Variants in RPS6KC1 observed in about 807,000 individuals in gnomAD.
RPS6KC1 encodes inactive ribosomal protein S6 kinase delta-1.
A neutral mutation model predicts 103.8 loss-of-function variants in RPS6KC1; 54 were observed. That is an observed-to-expected ratio of 0.52 (90% CI 0.42 to 0.65). The LOEUF (loss-of-function observed/expected upper bound fraction) is 0.65, where lower values mean the gene tolerates loss of function less well. RPS6KC1 is among the 30% of genes least tolerant of loss of function. The probability of loss-of-function intolerance (pLI) is 0.00; values close to 1 mark genes in which losing one functional copy is unlikely to be tolerated. For synonymous variants in RPS6KC1, 439 were observed against 438.7 expected (o/e 1.00, Z -0.01); for missense variants, 1,151 against 1,253.8 (o/e 0.92, Z 1.24).
the RPS6KC1 span, among the ~76,000 whole-genome samples, chr1:213,598,601 A>G: frequency 6.6e-6 from 1 of 152,200 alleles, no homozygotes; most frequent in Admixed American, 6.5e-5. Context: ...GAATCTGGGG[A>G]CTCAGTATTT....
At chr1:213,634,610 G>T in the RPS6KC1 span, among the ~76,000 whole-genome samples, 719 of 152,184 alleles carry the variant, frequency 4.7e-3, 6 homozygotes, top group African/African-American at 0.016. Flanking sequence ...AGCTCTAAAT[G>T]CCCATAAGAG....
chr1:213,165,499 C>T (rs1353038385), intron 6 of RPS6KC1, among the ~76,000 whole-genome samples: 1 of 152,066 alleles, frequency 6.6e-6, no homozygotes, highest in Non-Finnish European at 1.5e-5. Context: ...TCTTGGCTCA[C>T]TGCAAGCTCC....
chr1:213,708,808 T>A, the RPS6KC1 span, among the ~76,000 whole-genome samples: 1 of 152,190 alleles, frequency 6.6e-6, no homozygotes, highest in African/African-American at 2.4e-5. Flanking sequence ...ATTGAGATAA[T>A]CATGTGGTTT....
At chr1:213,568,532 C>T in the RPS6KC1 span, among the ~76,000 whole-genome samples, 60 of 152,282 alleles carry the variant, frequency 3.9e-4, no homozygotes, top group East Asian at 9.1e-3. Context: ...AGCAGCTTAG[C>T]GGGGACAAAG....
the RPS6KC1 span, among the ~76,000 whole-genome samples, chr1:213,854,565 TC>T: frequency 1.8e-3 from 115 of 62,752 alleles, no homozygotes; most frequent in African/African-American, 5.7e-3. Flanking sequence ...TCTTTCTTTC[TC>T]TCTCTCTCTC....
chr1:213,661,490 A>T, the RPS6KC1 span, among the ~76,000 whole-genome samples: 2 of 152,318 alleles, frequency 1.3e-5, no homozygotes, highest in East Asian at 3.9e-4. Flanking sequence ...TCTTGCCATG[A>T]TAACTCACCC....
chr1:213,704,385 CAAAA>C, the RPS6KC1 span, among the ~76,000 whole-genome samples: 1 of 27,662 alleles, frequency 3.6e-5, no homozygotes, highest in South Asian at 2.1e-3. Flanking sequence ...GACTCCGTCT[CAAAA>C]AAAAAAAAAA....
the RPS6KC1 span, among the ~76,000 whole-genome samples, chr1:213,469,612 C>T: frequency 7.9e-5 from 12 of 152,290 alleles, no homozygotes; most frequent in East Asian, 1.4e-3. Flanking sequence ...CCAGGCTCCT[C>T]GCTAGCCTTT....
At chr1:213,459,639 T>C in the RPS6KC1 span, among the ~76,000 whole-genome samples, 1 of 152,180 alleles carries the variant, frequency 6.6e-6, no homozygotes, top group African/African-American at 2.4e-5. Context: ...AGCTTTTGAA[T>C]GTGTTTGCTC....
chr1:213,764,671 G>A, the RPS6KC1 span, among the ~76,000 whole-genome samples: 2 of 152,186 alleles, frequency 1.3e-5, no homozygotes, highest in Admixed American at 1.3e-4. Flanking sequence ...GGGACAGGGA[G>A]TCAGGGAGTC....
At chr1:213,604,820 G>C in the RPS6KC1 span, among the ~76,000 whole-genome samples, 1 of 152,204 alleles carries the variant, frequency 6.6e-6, no homozygotes, top group Non-Finnish European at 1.5e-5. Flanking sequence ...AAGGAAGAGA[G>C]ATAGTGGGGC....
chr1:213,122,309 G>A (rs189542282), intron 5 of RPS6KC1, among the ~76,000 whole-genome samples: 3 of 152,170 alleles, frequency 2.0e-5, no homozygotes, highest in Admixed American at 6.5e-5. Flanking sequence ...ATTGAATGGC[G>A]TTGATTATAT....
intron 3 of RPS6KC1, among the ~76,000 whole-genome samples, chr1:213,087,284 T>A (rs1390323891): frequency 6.6e-6 from 1 of 152,240 alleles, no homozygotes; most frequent in Non-Finnish European, 1.5e-5. Flanking sequence ...TACCTATGTC[T>A]ATATCACATT....
chr1:213,051,304 C>T lies in RPS6KC1; in HGVS notation c.-101C>T. 3 of 840,378 alleles carry T rather than the reference C, an allele frequency of 3.6e-6. No individual in the cohort carries two copies. The highest frequency in any genetic ancestry group is 2.7e-5 in the East Asian group (1 of 37,662). 52.1% of individuals were successfully genotyped at this position (840,378 alleles called of 1,614,324 possible). A position where few individuals can be genotyped will look rare whatever the true frequency, so the allele number is the denominator to read the frequency against. On this transcript the variant is annotated 5_prime_UTR_variant, in exon 1 of 15. Coordinates refer to ENST00000366960, the MANE Select transcript of RPS6KC1 (RefSeq NM_012424.6). ...GGAGCCGCCTTGGAGCCACCGCCCC[C>T]TCGCCGCTTCGCCGCTGCGTTGGGG... is the stretch of plus-strand genomic sequence containing the variant.
chr1:213,737,203 C>G, the RPS6KC1 span, among the ~76,000 whole-genome samples: 3 of 152,218 alleles, frequency 2.0e-5, no homozygotes, highest in Non-Finnish European at 4.4e-5. Context: ...TAAGTCAGAC[C>G]TCTTCTACAA....
At chr1:213,609,176 C>T in the RPS6KC1 span, among the ~76,000 whole-genome samples, 1 of 152,180 alleles carries the variant, frequency 6.6e-6, no homozygotes, top group Non-Finnish European at 1.5e-5. Context: ...AGTCCATATA[C>T]CACGTATAAA....
the RPS6KC1 span, among the ~76,000 whole-genome samples, chr1:213,748,540 G>A: frequency 6.6e-6 from 1 of 152,146 alleles, no homozygotes; most frequent in African/African-American, 2.4e-5. Context: ...TACAATTATG[G>A]AGAGAAGTAC....
chr1:213,129,890 G>T lies in RPS6KC1; in HGVS notation c.835+1G>T, dbSNP rs1391899857. ...GATTTACTCCTAGAAGGTGTTCAAG[G>T]TATGGTTTTATGTATATTATGTTTT... is the stretch of plus-strand genomic sequence containing the variant. On this transcript the variant is annotated splice_donor_variant, in intron 6 of 14. Coordinates refer to ENST00000366960, the MANE Select transcript of RPS6KC1 (RefSeq NM_012424.6). LOFTEE classifies it high-confidence loss of function. 6.3e-7 allele frequency: 1 copy of T among 1,587,400 alleles called. No individual in the cohort carries two copies. The highest frequency in any genetic ancestry group is 8.5e-7 in the Non-Finnish European group (1 of 1,173,278).
At chr1:213,482,610 G>A in the RPS6KC1 span, among the ~76,000 whole-genome samples, 6,611 of 134,818 alleles carry the variant, frequency 0.049, 533 homozygotes, top group African/African-American at 0.16. Flanking sequence ...GTGCAGTGGC[G>A]TGATCTCGGC....
Sources: allele counts gnomAD v4.1 joint callset (sites outside exome capture counted in the v4.1 genomes callset), GRCh38; gene constraint gnomAD v4.1.1; transcripts MANE v1.5; gene names NCBI Gene and HGNC (gene_info 2026-07-23, HGNC 2026-07-21).